Variants in PTN observed in about 807,000 individuals in gnomAD.
PTN encodes heparin affin regulatory protein.
A neutral mutation model predicts 24.1 loss-of-function variants in PTN; 18 were observed. The ratio of observed to expected loss-of-function variants is 0.75; its 90% confidence interval spans 0.52 to 1.11. The LOEUF (loss-of-function observed/expected upper bound fraction) is 1.11, where lower values mean the gene tolerates loss of function less well. Among genes scored for constraint, PTN ranks in the 50% least tolerant of loss-of-function variants. PTN has a pLI of 0.00. For synonymous variants in PTN, 78 were observed against 68.6 expected (o/e 1.14, Z -0.67); for missense variants, 163 against 198.8 (o/e 0.82, Z 1.08).
rs557816186 is a variant in PTN, at chr7:137,246,546, T to C, written c.451+4684A>G. Among the ~76,000 whole-genome samples the C allele has an allele frequency of 4.6e-5, 7 of 152,242 alleles. No homozygotes were observed. The East Asian group carries it at 1.4e-3, about 29-fold the overall frequency. On this transcript the variant is annotated intron_variant, in intron 4 of 4. Coordinates refer to ENST00000348225, the MANE Select transcript of PTN (RefSeq NM_002825.7). The stretch of plus-strand genomic sequence containing the variant: ...TACTGATCACTATAAAAATTCCCTT[T>C]CCTATAATTCTCATGTTTGAAATAA...
chr7:137,328,799 A>G (rs1810304145), intron 1 of PTN, among the ~76,000 whole-genome samples: 1 of 152,184 alleles, frequency 6.6e-6, no homozygotes, highest in African/African-American at 2.4e-5. Context: ...ATCATATGCA[A>G]TCAAGGAGGG....
chr7:137,269,844 G>C (rs1280155425), intron 1 of PTN, among the ~76,000 whole-genome samples: 1 of 151,856 alleles, frequency 6.6e-6, no homozygotes, highest in African/African-American at 2.4e-5. Context: ...TGTTGGCCAG[G>C]GTGGTCTCAA....
chr7:137,301,110 C>T (rs1408400039), intron 1 of PTN, among the ~76,000 whole-genome samples: 1 of 151,958 alleles, frequency 6.6e-6, no homozygotes, highest in Non-Finnish European at 1.5e-5. Context: ...AATGTAGCTT[C>T]TGCTAACAAC....
At chr7:137,322,688 G>A (rs575925204) in intron 1 of PTN, among the ~76,000 whole-genome samples, 2 of 152,272 alleles carry the variant, frequency 1.3e-5, no homozygotes, top group African/African-American at 2.4e-5. Flanking sequence ...AGAGTCATTA[G>A]AACAGCTTGC....
At chr7:137,230,061 T>G (rs1026958762) in intron 4 of PTN, among the ~76,000 whole-genome samples, 45 of 151,800 alleles carry the variant, frequency 3.0e-4, no homozygotes, top group Non-Finnish European at 1.8e-4. Flanking sequence ...AGAGTGGATA[T>G]CTAAGTAGCA....
At chr7:137,289,712 C>A (rs1809610514) in intron 1 of PTN, among the ~76,000 whole-genome samples, 1 of 152,098 alleles carries the variant, frequency 6.6e-6, no homozygotes. Context: ...GAAAGAGGTA[C>A]CTCATTCCTG....
intron 4 of PTN, among the ~76,000 whole-genome samples, chr7:137,246,699 T>C (rs1453641426): frequency 1.3e-5 from 2 of 152,216 alleles, no homozygotes; most frequent in Non-Finnish European, 2.9e-5. Flanking sequence ...GATCAGACAT[T>C]AGGCAAGGTC....
rs192385719 is a variant in PTN at position 137,318,395 on chromosome 7, A to G, written c.-2+25044T>C. Among the ~76,000 whole-genome samples the G allele has an allele frequency of 9.6e-4, 147 of 152,342 alleles. 1 individual carries two copies. Among genetic ancestry groups the G allele is most frequent in the African/African-American group, 3.5e-3 (144 of 41,580 alleles). On this transcript the variant is annotated intron_variant, in intron 1 of 4. Transcript: ENST00000348225. ...CTAATTGTAACTCCAGCGATTCCAGAGACTTCAGAGCAGAAAAACCAGGTA... is the reference window on the plus strand; with the variant it reads ...CTAATTGTAACTCCAGCGATTCCAGGGACTTCAGAGCAGAAAAACCAGGTA...
At chr7:137,294,881 T>C (rs575169415) in intron 1 of PTN, among the ~76,000 whole-genome samples, 2 of 152,290 alleles carry the variant, frequency 1.3e-5, no homozygotes, top group African/African-American at 2.4e-5. Context: ...TCTTTTTTTA[T>C]ATAAAGTGGC....
intron 1 of PTN, among the ~76,000 whole-genome samples, chr7:137,264,614 A>C (rs322310): frequency 0.33 from 49,772 of 151,956 alleles, 8,349 homozygotes; most frequent in South Asian, 0.4. Flanking sequence ...GAGTCCAATA[A>C]CTCTACACAG....
intron 1 of PTN, among the ~76,000 whole-genome samples, chr7:137,310,406 T>G (rs1421078705): frequency 3.2e-5 from 2 of 62,102 alleles, no homozygotes; most frequent in East Asian, 3.8e-4. Context: ...TTTTTTTTGT[T>G]TTTTTTTTTT....
At chr7:137,265,366 G>T (rs1359953164) in intron 1 of PTN, among the ~76,000 whole-genome samples, 1 of 152,046 alleles carries the variant, frequency 6.6e-6, no homozygotes, top group Non-Finnish European at 1.5e-5. Context: ...CCAGTTATTC[G>T]GCAGAGTGCC....
chr7:137,287,823 C>G (rs980440964), intron 1 of PTN: 1 of 152,110 alleles, frequency 6.6e-6, no homozygotes, highest in South Asian at 2.1e-4. Context: ...GTCTATAGTA[C>G]AGTTCATTCT....
intron 1 of PTN, among the ~76,000 whole-genome samples, chr7:137,300,218 A>G (rs1429666026): frequency 1.3e-5 from 2 of 151,954 alleles, no homozygotes; most frequent in Non-Finnish European, 2.9e-5. Context: ...GAATTTTGTG[A>G]CCATCAGAGT....
intron 1 of PTN, among the ~76,000 whole-genome samples, chr7:137,341,989 A>G (rs1405377188): frequency 6.6e-6 from 1 of 152,196 alleles, no homozygotes; most frequent in Admixed American, 6.5e-5. Flanking sequence ...ATTTAACTGG[A>G]CTATATTTTT....
At chr7:137,234,977 T>C (rs540389047) in intron 4 of PTN, among the ~76,000 whole-genome samples, 4 of 152,146 alleles carry the variant, frequency 2.6e-5, no homozygotes, top group Admixed American at 6.6e-5. Context: ...TTCTAAGAGA[T>C]AGAATTCATT....
intron 1 of PTN, among the ~76,000 whole-genome samples, chr7:137,293,636 GCA>G (rs1809674859): frequency 6.6e-6 from 1 of 152,004 alleles, no homozygotes; most frequent in South Asian, 2.1e-4. Flanking sequence ...TGTATTTCTA[GCA>G]CAGTTTTAGG....
chr7:137,257,077 T>C (rs1476845235), intron 1 of PTN, among the ~76,000 whole-genome samples: 10 of 152,170 alleles, frequency 6.6e-5, no homozygotes, highest in Non-Finnish European at 1.3e-4. Flanking sequence ...TAAATAAGTG[T>C]TGTTTTTAAA....
At chr7:137,271,684 A>T (rs1809277844) in intron 1 of PTN, among the ~76,000 whole-genome samples, 1 of 152,210 alleles carries the variant, frequency 6.6e-6, no homozygotes, top group Admixed American at 6.5e-5. Flanking sequence ...TGACTTTGAG[A>T]ATCACAGAAT....
Sources: allele counts gnomAD v4.1 joint callset (sites outside exome capture counted in the v4.1 genomes callset), GRCh38; gene constraint gnomAD v4.1.1; transcripts MANE v1.5; gene names NCBI Gene and HGNC (gene_info 2026-07-23, HGNC 2026-07-21).